The following ANKRD11 variants were observed in gnomAD, a reference collection of about 807,000 sequenced individuals.
ANKRD11 encodes the protein ankyrin repeat domain 11.
Under a neutral mutation model 195.7 loss-of-function variants are expected in ANKRD11, and 17 were observed. The ratio of observed to expected loss-of-function variants is 0.09; its 90% CI spans 0.06 to 0.13. The LOEUF is 0.13. Ranked by LOEUF, ANKRD11 falls within the 10% of genes least tolerant of loss-of-function variation. The pLI is 1.00. For synonymous variants in ANKRD11, 1,953 were observed against 1,528.1 expected, an observed-to-expected ratio of 1.28 and a Z score of -6.49; for missense variants, 3,735 against 3,566.1, an observed-to-expected ratio of 1.05 and a Z score of -1.21.
At chr16:89,442,648 G>GC (rs1370885282) in intron 1 of ANKRD11, among the ~76,000 whole-genome samples, 1 of 152,192 alleles carries the variant, frequency 6.6e-6, no homozygotes. Flanking sequence ...CAGGGAGGAG[G>GC]CCTGTGTCCC....
In ANKRD11 at chr16:89,282,071, C is replaced by A; in HGVS notation, c.4471G>T (p.Glu1491Ter). ...TCGTCCCTGTGATGCCGCAGGAGCT[C>A]GTCCCTGTGATGCCGCAGCAGCCCA... is the stretch of plus-strand genomic sequence containing the variant. ...ADGLLRHHRD[E>*]LLRHHRDEQK... Residue 1491 changes from glutamate to a stop codon, truncating the protein, a stop_gained, in exon 9 of 13, where the codon GAG becomes TAG. Coordinates refer to ENST00000301030, the MANE Select transcript of ANKRD11 (RefSeq NM_013275.6). LOFTEE classifies it high-confidence loss of function. The A allele has an allele frequency of 6.2e-7, 1 of 1,613,858 alleles. No individual in the cohort carries two copies.
Position 89,281,930 on chromosome 16 carries a change from C to T in ANKRD11, c.4612G>A (p.Ala1538Thr), listed in dbSNP as rs1161378737. The part of the protein sequence containing the change: ...AKLKEKFKDG[A>T]EKEKGDPVKM... ...ACTGGGTCGCCCTTTTCTTTCTCTG[C>T]ACCGTCCTTGAATTTCTCCTTCAGT... Residue 1538 changes from alanine to threonine, a missense_variant, in exon 9 of 13, where the codon GCA becomes ACA. Transcript: ENST00000301030. This position sits in a 1 kb window ranked among gnomAD's most constrained non-coding sequence, Gnocchi z 5.5. 1 of 1,613,164 alleles carries T rather than the reference C, an allele frequency of 6.2e-7. No individual in the cohort carries two copies. Among genetic ancestry groups the T allele is most frequent in the East Asian group, 2.2e-5 (1 of 44,882 alleles).
chr16:89,280,409 G>T lies in ANKRD11; in HGVS notation c.6133C>A (p.Pro2045Thr). The change falls in exon 9 of 13, where the codon CCC becomes ACC. Residue 2045 changes from proline (P) to threonine (T), a missense_variant. Pro to Thr is a conservative substitution (Grantham distance 38). Transcript: ENST00000301030. ...EDVKDGVDAVPAAISTSEAAP... is the reference protein window; with the variant it reads ...EDVKDGVDAVTAAISTSEAAP... ...GCCTCTGAGGTGGAGATGGCGGCGGGGACGGCGTCCACTCCGTCCTTGACG... is the reference window on the plus strand; with the variant it reads ...GCCTCTGAGGTGGAGATGGCGGCGGTGACGGCGTCCACTCCGTCCTTGACG... 6.4e-7 allele frequency: 1 copy of T among 1,563,136 alleles called. No homozygotes were observed. Among genetic ancestry groups the T allele is most frequent in the African/African-American group, 1.4e-5 (1 of 73,678 alleles).
chr16:89,342,408 G>A (rs146780415), intron 2 of ANKRD11, among the ~76,000 whole-genome samples: 12 of 152,286 alleles, frequency 7.9e-5, no homozygotes, highest in Admixed American at 7.8e-4. Context: ...GACAGCATTC[G>A]GTCCAGGATA....
chr16:89,399,485 G>A (rs1016714547), intron 2 of ANKRD11, among the ~76,000 whole-genome samples: 6 of 152,318 alleles, frequency 3.9e-5, no homozygotes, highest in South Asian at 2.1e-4. Flanking sequence ...AAAGATCAGC[G>A]AATGCCAGGG....
chr16:89,451,333 T>C (rs2044061755), intron 1 of ANKRD11, among the ~76,000 whole-genome samples: 1 of 152,082 alleles, frequency 6.6e-6, no homozygotes, highest in Non-Finnish European at 1.5e-5. Flanking sequence ...ACAGATTAAC[T>C]GTGAATTGAC....
intron 3 of ANKRD11, among the ~76,000 whole-genome samples, chr16:89,305,806 C>T (rs1422270189): frequency 3.1e-5 from 4 of 127,178 alleles, no homozygotes; most frequent in Non-Finnish European, 4.9e-5. Flanking sequence ...CCTCCCACTC[C>T]GCAGACATGC....
In ANKRD11 at chr16:89,368,193, G is replaced by A. The variant is rs2040030293; in HGVS notation, c.-60+50091C>T. ...AACATACTCTGTCCACTCTTAACAT[G>A]TTTTCGAGCTTTTTTTTTTTGATAC... On this transcript the variant is annotated intron_variant, in intron 2 of 12. Coordinates refer to ENST00000301030, the MANE Select transcript of ANKRD11 (RefSeq NM_013275.6). Among the ~76,000 whole-genome samples the A allele has an allele frequency of 2.7e-5, 4 of 150,798 alleles. No individual in the cohort carries two copies. In the South Asian group the frequency reaches 6.3e-4, roughly 24 times the overall value.
chr16:89,287,277 G>A, intron 7 of ANKRD11: 1 of 381,718 alleles, frequency 2.6e-6, no homozygotes, highest in Non-Finnish European at 4.9e-6. Flanking sequence ...AGACTCAGCA[G>A]GAAAGGCTCT....
chr16:89,329,989 T>C (rs2037958880), intron 2 of ANKRD11, among the ~76,000 whole-genome samples: 1 of 119,408 alleles, frequency 8.4e-6, no homozygotes, highest in Admixed American at 8.4e-5. Context: ...AGTGAGACCT[T>C]GTCTCAAAAA....
chr16:89,329,747 G>A (rs1365017456), intron 2 of ANKRD11, among the ~76,000 whole-genome samples: 1 of 152,204 alleles, frequency 6.6e-6, no homozygotes, highest in Non-Finnish European at 1.5e-5. Context: ...GAGACTGGGT[G>A]CAGTGAATCC....
chr16:89,405,521 C>G (rs1427095869), intron 2 of ANKRD11, among the ~76,000 whole-genome samples: 1 of 138,092 alleles, frequency 7.2e-6, no homozygotes, highest in Non-Finnish European at 1.5e-5. Context: ...TTGGTAGAGA[C>G]AGGGTTCTCA....
chr16:89,395,025 C>T (rs892395020), intron 2 of ANKRD11, among the ~76,000 whole-genome samples: 1 of 152,214 alleles, frequency 6.6e-6, no homozygotes, highest in Non-Finnish European at 1.5e-5. Context: ...TAAGTCACTG[C>T]AATCCAGATC....
chr16:89,363,168 G>A (rs1041616141), intron 2 of ANKRD11, among the ~76,000 whole-genome samples: 1 of 151,978 alleles, frequency 6.6e-6, no homozygotes, highest in African/African-American at 2.4e-5. Flanking sequence ...GCCTATCCCT[G>A]TTAAAAAAAA....
rs1372117816 is a variant in ANKRD11 at position 89,283,185 on chromosome 16, G to A, written c.3357C>T (p.Phe1119=). 5.0e-6 allele frequency: 8 copies of A among 1,614,082 alleles called. No individual in the cohort carries two copies. The highest frequency in any genetic ancestry group is 6.8e-6 in the Non-Finnish European group (8 of 1,180,028). ...CTCTGTCGTCCTCACTCTCATCTGT[G>A]AAGATGTCTGCGATGTACCAGCTTT... The part of the protein sequence containing the change: ...KEKSWYIADI[F]TDESEDDRDS... The change falls in exon 9 of 13, where the codon TTC becomes TTT. Residue 1119 remains phenylalanine, a synonymous_variant. Coordinates refer to ENST00000301030, the MANE Select transcript of ANKRD11 (RefSeq NM_013275.6). The surrounding 1 kb of genome is among the most constrained non-coding windows in gnomAD (Gnocchi z 4.3).
At chr16:89,453,415 T>G (rs1200547654) in intron 1 of ANKRD11, among the ~76,000 whole-genome samples, 2 of 152,218 alleles carry the variant, frequency 1.3e-5, no homozygotes, top group African/African-American at 4.8e-5. Context: ...AATAGGAATT[T>G]CAACTAAGTT....
chr16:89,433,849 G>A (rs1244035799), intron 1 of ANKRD11, among the ~76,000 whole-genome samples: 5 of 152,224 alleles, frequency 3.3e-5, no homozygotes, highest in Non-Finnish European at 5.9e-5. Flanking sequence ...GCCCCACTGT[G>A]GAGAGAAAAG....
intron 4 of ANKRD11, among the ~76,000 whole-genome samples, chr16:89,302,025 C>G (rs1216282221): frequency 6.6e-6 from 1 of 152,210 alleles, no homozygotes; most frequent in Non-Finnish European, 1.5e-5. Context: ...CCAGAGAGGC[C>G]TGACTGCTGG....
chr16:89,477,717 A>C (rs985118032), intron 1 of ANKRD11, among the ~76,000 whole-genome samples: 6 of 151,434 alleles, frequency 4.0e-5, no homozygotes, highest in African/African-American at 1.5e-4. Context: ...TCATGCCTGT[A>C]ATCCCAGCAC....
Sources: gnomAD v4.1 joint callset for allele counts (sites outside exome capture counted in the v4.1 genomes callset) on GRCh38, gnomAD v4.1.1 for gene constraint, Gnocchi (gnomAD v3.1) non-coding constraint, MANE v1.5 for transcripts, NCBI Gene and HGNC (gene_info 2026-07-23, HGNC 2026-07-21) for gene names.